The following TAPT1 variants were observed in gnomAD, a reference collection of about 807,000 sequenced individuals.
TAPT1 encodes transmembrane anterior posterior transformation protein 1 homolog.
In TAPT1, 28 loss-of-function variants were observed where a neutral mutation model predicts 65.6. The ratio of observed to expected loss-of-function variants is 0.43; its 90% CI spans 0.32 to 0.59. TAPT1 has a LOEUF of 0.59. Ranked by LOEUF, TAPT1 falls within the 20% of genes least tolerant of loss-of-function variation. The probability of loss-of-function intolerance (pLI) is 0.09; values close to 1 mark genes in which losing one functional copy is unlikely to be tolerated. For missense variants in TAPT1, 563 were observed against 679.9 expected (o/e 0.83, Z 1.91); for synonymous variants, 278 against 245.2 (o/e 1.13, Z -1.25).
Position 16,226,051 on chromosome 4 carries a change from G to A in TAPT1, c.199+208C>T, listed in dbSNP as rs921095364. 3.0e-6 allele frequency: 3 copies of A among 1,012,174 alleles called. No homozygotes were observed. In the African/African-American group the frequency reaches 5.2e-5, roughly 18 times the overall value. 62.7% of individuals were successfully genotyped at this position (1,012,174 alleles called of 1,614,324 possible). A position where few individuals can be genotyped will look rare whatever the true frequency, so the allele number is the denominator to read the frequency against. Reference sequence around the variant, plus strand: ...GGCCTGGCGCGGCCGCGGGGGCCTCGGGGCTGCGCGCGCAACCCGCCCGAG... The same window carrying A: ...GGCCTGGCGCGGCCGCGGGGGCCTCAGGGCTGCGCGCGCAACCCGCCCGAG... On this transcript the variant is annotated intron_variant, in intron 1 of 13. Transcript: ENST00000405303.
At chr4:16,170,843 A>G (rs1371816505) in intron 11 of TAPT1, 114 bp from the exon 12 acceptor site, 31 of 737,346 alleles carry the variant, frequency 4.2e-5, no homozygotes, top group Non-Finnish European at 6.4e-5. Flanking sequence ...TTTTAGGCAT[A>G]TATCTATGGC....
chr4:16,172,882 T>G (rs1482158126), intron 11 of TAPT1, among the ~76,000 whole-genome samples: 2 of 152,090 alleles, frequency 1.3e-5, no homozygotes, highest in African/African-American at 2.4e-5. Flanking sequence ...TGGAGGGCAG[T>G]GACGCGATCT....
chr4:16,219,545 C>T (rs570488229), intron 1 of TAPT1, among the ~76,000 whole-genome samples: 215 of 152,302 alleles, frequency 1.4e-3, no homozygotes, highest in Non-Finnish European at 2.6e-3. Context: ...AAATGATACA[C>T]TAAAGAAATA....
In TAPT1 at chr4:16,174,286, G is replaced by T. The variant is rs764781607; in HGVS notation, c.1168-14C>A. ...ATCAGTGTATGCCTGAACAGAGAAA[G>T]AAGCAAAAGATTCAGATTTATGGGA... On this transcript the variant is annotated splice_polypyrimidine_tract_variant and intron_variant, in intron 10 of 13. Transcript: ENST00000405303. 89 of 1,591,896 alleles carry T rather than the reference G, an allele frequency of 5.6e-5. No individual in the cohort carries two copies. Among genetic ancestry groups the T allele is most frequent in the Non-Finnish European group, 7.4e-5 (86 of 1,168,988 alleles).
intron 11 of TAPT1, 63 bp downstream of exon 11, chr4:16,174,141 T>TGGA: frequency 1.2e-5 from 14 of 1,190,238 alleles, no homozygotes; most frequent in Non-Finnish European, 1.7e-5. Flanking sequence ...TAATAATCCA[T>TGGA]TTATTAATAT....
At chr4:16,179,862 ACTT>A (rs1161400257) in intron 7 of TAPT1, among the ~76,000 whole-genome samples, 1 of 151,546 alleles carries the variant, frequency 6.6e-6, no homozygotes, top group Non-Finnish European at 1.5e-5. Flanking sequence ...TAAGCCATTG[ACTT>A]CTTTTGCCAA....
intron 1 of TAPT1, among the ~76,000 whole-genome samples, chr4:16,223,449 G>C (rs1751374103): frequency 6.6e-6 from 1 of 152,224 alleles, no homozygotes; most frequent in South Asian, 2.1e-4. Context: ...TACATCCAGA[G>C]TTCAAGGCCA....
intron 8 of TAPT1, among the ~76,000 whole-genome samples, chr4:16,178,110 C>A (rs1461274702): frequency 6.6e-6 from 1 of 152,064 alleles, no homozygotes; most frequent in African/African-American, 2.4e-5. Flanking sequence ...TGACACATAC[C>A]CCCTCTGCCC....
chr4:16,214,209 G>A (rs1375928660), intron 1 of TAPT1, among the ~76,000 whole-genome samples: 2 of 152,184 alleles, frequency 1.3e-5, no homozygotes, highest in African/African-American at 4.8e-5. Context: ...TGGACTGACA[G>A]ACATGGAAGG....
rs1560676222 is a variant in TAPT1, at chr4:16,162,399, G to A, written c.*909C>T. 1 of 152,796 alleles carries A rather than the reference G, an allele frequency of 6.5e-6. No homozygotes were observed. The highest frequency in any genetic ancestry group is 2.4e-5 in the African/African-American group (1 of 41,428). 9.5% of individuals were successfully genotyped at this position (152,796 alleles called of 1,614,324 possible). ...GAGCATTTACTTTACAGTTAAAGTT[G>A]ACAGTTTTGAATTTTGTACATTGAC... is the stretch of plus-strand genomic sequence containing the variant. On this transcript the variant is annotated 3_prime_UTR_variant, in exon 14 of 14. Coordinates refer to ENST00000405303, the MANE Select transcript of TAPT1 (RefSeq NM_153365.3).
intron 1 of TAPT1, among the ~76,000 whole-genome samples, chr4:16,222,758 G>A (rs991091013): frequency 2.0e-5 from 3 of 152,160 alleles, no homozygotes; most frequent in African/African-American, 7.2e-5. Flanking sequence ...TCTAACAGAG[G>A]TGAAGCAAGA....
At chr4:16,211,223 C>T (rs984821029) in intron 2 of TAPT1, among the ~76,000 whole-genome samples, 5 of 116,996 alleles carry the variant, frequency 4.3e-5, no homozygotes, top group East Asian at 4.7e-4. Flanking sequence ...TAGCATTCAT[C>T]GAAAAAAGAA....
intron 3 of TAPT1, among the ~76,000 whole-genome samples, chr4:16,199,673 C>T (rs778712721): frequency 6.6e-6 from 1 of 152,112 alleles, no homozygotes; most frequent in Non-Finnish European, 1.5e-5. Flanking sequence ...CTTACTGCAG[C>T]CTCGAATTCC....
At chr4:16,217,959 C>G (rs1475890530) in intron 1 of TAPT1, among the ~76,000 whole-genome samples, 1 of 152,160 alleles carries the variant, frequency 6.6e-6, no homozygotes, top group Non-Finnish European at 1.5e-5. Flanking sequence ...AGTGAGTGCC[C>G]TGGGTTTGGG....
intron 2 of TAPT1, among the ~76,000 whole-genome samples, chr4:16,211,600 T>TAA (rs1404438698): frequency 6.6e-6 from 1 of 152,176 alleles, no homozygotes; most frequent in Non-Finnish European, 1.5e-5. Context: ...CAAACAGGCC[T>TAA]AAAGCCTCTC....
rs1747227191 is a variant in TAPT1, at chr4:16,161,277, T to C, written c.*2031A>G. ...CCAAATACAATAGTAAATATTAAAA[T>C]AAATTCAGTGACCTTTTTAAAAAAG... On this transcript the variant is annotated 3_prime_UTR_variant, in exon 14 of 14. Coordinates refer to ENST00000405303, the MANE Select transcript of TAPT1 (RefSeq NM_153365.3). 1 of 152,660 alleles carries C rather than the reference T, an allele frequency of 6.6e-6. No homozygotes were observed. Among genetic ancestry groups the C allele is most frequent in the Non-Finnish European group, 1.5e-5 (1 of 68,030 alleles). The allele number at this position is 152,660 out of a possible 1,614,324, so 9.5% of individuals were successfully genotyped here. A position where few individuals can be genotyped will look rare whatever the true frequency, so the allele number is the denominator to read the frequency against.
intron 3 of TAPT1, among the ~76,000 whole-genome samples, chr4:16,194,530 C>T (rs955774188): frequency 6.6e-6 from 1 of 152,146 alleles, no homozygotes; most frequent in African/African-American, 2.4e-5. Context: ...TCAGAACCTA[C>T]TATCTTTCTG....
At position 16,170,722 on chromosome 4, in the gene TAPT1, C is replaced by T. The variant is rs1185362521; in HGVS notation, c.1244G>A (p.Arg415Lys). Residue 415 changes from arginine (R) to lysine (K), a missense_variant, in exon 12 of 14, where the codon AGA (arginine) becomes AAA (lysine). Arg to Lys is a conservative substitution (Grantham distance 26). Transcript: ENST00000405303. ...CACTTTAATTGAGCTTGTTACAACT[C>T]TGATGAGCTAGCCAGAAACAAACCA... Reference protein sequence around the residue: ...IPLPLAVLLIRVVTSSIKVQG... With the variant: ...IPLPLAVLLIKVVTSSIKVQG... 1.2e-6 allele frequency: 2 copies of T among 1,613,292 alleles called. No individual in the cohort carries two copies.
At chr4:16,180,429 T>A (rs914359118) in intron 7 of TAPT1, among the ~76,000 whole-genome samples, 1 of 152,162 alleles carries the variant, frequency 6.6e-6, no homozygotes, top group Non-Finnish European at 1.5e-5. Context: ...GCCGATGCAA[T>A]AGTGGGGGCT....
Sources: gnomAD v4.1 joint callset for allele counts (sites outside exome capture counted in the v4.1 genomes callset) on GRCh38, gnomAD v4.1.1 for gene constraint, MANE v1.5 for transcripts, NCBI Gene and HGNC (gene_info 2026-07-23, HGNC 2026-07-21) for gene names.